Variants in SLC39A11 observed in about 807,000 individuals in gnomAD.
SLC39A11 encodes solute carrier family 39 member 11, also known as zinc transporter ZIP11.
SLC39A11 carries 33 observed loss-of-function variants against 36.1 expected under a neutral mutation model. The observed-to-expected ratio is 0.91, with a 90% CI of 0.69 to 1.22. The LOEUF (loss-of-function observed/expected upper bound fraction) is 1.22. SLC39A11 is among the 50% of genes most tolerant of loss of function. The pLI is 0.00. For synonymous variants in SLC39A11, 166 were observed against 170.3 expected (o/e 0.97, Z 0.20); for missense variants, 432 against 430.3 (o/e 1.00, Z -0.03).
intron 5 of SLC39A11, among the ~76,000 whole-genome samples, chr17:72,875,443 C>T (rs374660318): frequency 5.9e-5 from 9 of 152,238 alleles, no homozygotes; most frequent in South Asian, 4.2e-4. Flanking sequence ...AGGAAGCCAG[C>T]GGGATTCTGG....
intron 4 of SLC39A11, among the ~76,000 whole-genome samples, chr17:72,985,117 A>G (rs2088618886): frequency 1.3e-5 from 2 of 152,146 alleles, no homozygotes; most frequent in Non-Finnish European, 2.9e-5. Context: ...GAATGTGCAC[A>G]CTCCACGTGG....
intron 1 of SLC39A11, among the ~76,000 whole-genome samples, chr17:73,091,057 G>C (rs1338014692): frequency 6.6e-6 from 1 of 152,214 alleles, no homozygotes; most frequent in Non-Finnish European, 1.5e-5. Context: ...CAGACTTTCT[G>C]AATCAGGGTC....
intron 3 of SLC39A11, among the ~76,000 whole-genome samples, chr17:73,075,586 C>T (rs2060293255): frequency 6.6e-6 from 1 of 152,206 alleles, no homozygotes; most frequent in African/African-American, 2.4e-5. Flanking sequence ...GGCGCAGTGG[C>T]TCACGCCTAT....
At chr17:72,651,091 T>C (rs1257224515) in intron 7 of SLC39A11, among the ~76,000 whole-genome samples, 2 of 152,188 alleles carry the variant, frequency 1.3e-5, no homozygotes, top group East Asian at 3.9e-4. Flanking sequence ...ACCTCGAGTC[T>C]GCCAGTCAAG....
intron 7 of SLC39A11, among the ~76,000 whole-genome samples, chr17:72,672,791 A>G (rs1213171660): frequency 6.6e-6 from 1 of 152,028 alleles, no homozygotes. Context: ...GGTAGAGACA[A>G]GGTCTCACTA....
intron 4 of SLC39A11, among the ~76,000 whole-genome samples, chr17:73,015,129 A>G (rs2148535069): frequency 6.6e-6 from 1 of 152,314 alleles, no homozygotes; most frequent in East Asian, 1.9e-4. Flanking sequence ...CCTCACAGCC[A>G]CTGAAGTCTG....
intron 6 of SLC39A11, among the ~76,000 whole-genome samples, chr17:72,760,207 T>C (rs1264032805): frequency 6.6e-6 from 1 of 152,190 alleles, no homozygotes; most frequent in African/African-American, 2.4e-5. Flanking sequence ...TTGTATTTTT[T>C]ACTAGAGAAG....
intron 5 of SLC39A11, among the ~76,000 whole-genome samples, chr17:72,910,804 T>G (rs35799684): frequency 0.53 from 76,586 of 145,612 alleles, 19,527 homozygotes; most frequent in African/African-American, 0.55. Flanking sequence ...GCAGGCACCT[T>G]TAATCCCAGC....
At chr17:72,988,373 AT>A (rs765524750) in intron 4 of SLC39A11, among the ~76,000 whole-genome samples, 12 of 152,202 alleles carry the variant, frequency 7.9e-5, no homozygotes, top group Non-Finnish European at 1.5e-4. Context: ...AGGCATGAGA[AT>A]TGCTTGAACC....
At chr17:72,876,813 C>T (rs867870583) in intron 5 of SLC39A11, among the ~76,000 whole-genome samples, 3 of 152,208 alleles carry the variant, frequency 2.0e-5, no homozygotes, top group South Asian at 2.1e-4. Flanking sequence ...TCAGCTGCAA[C>T]ACCTGATTAA....
At chr17:72,960,529 C>T (rs1449313212) in intron 4 of SLC39A11, among the ~76,000 whole-genome samples, 4 of 152,124 alleles carry the variant, frequency 2.6e-5, no homozygotes, top group African/African-American at 7.2e-5. Context: ...TGGTGGTTCA[C>T]GCCTGTAATC....
intron 5 of SLC39A11, among the ~76,000 whole-genome samples, chr17:72,929,875 T>C (rs1428290994): frequency 6.6e-6 from 1 of 152,186 alleles, no homozygotes. Context: ...TGTATGGTAC[T>C]GAAGAGTTTC....
At chr17:73,022,993 C>T (rs935929122) in intron 4 of SLC39A11, among the ~76,000 whole-genome samples, 2 of 152,196 alleles carry the variant, frequency 1.3e-5, no homozygotes, top group Non-Finnish European at 2.9e-5. Context: ...CCTCCCCAAG[C>T]CCAGAATTAT....
chr17:72,919,551 A>G (rs1171171741), intron 5 of SLC39A11, among the ~76,000 whole-genome samples: 1 of 151,646 alleles, frequency 6.6e-6, no homozygotes, highest in African/African-American at 2.4e-5. Context: ...GGGCGCCTGT[A>G]GTCCCAGCTA....
intron 7 of SLC39A11, among the ~76,000 whole-genome samples, chr17:72,700,932 G>C (rs1239627432): frequency 6.6e-6 from 1 of 152,206 alleles, no homozygotes; most frequent in Non-Finnish European, 1.5e-5. Flanking sequence ...CACAACATAA[G>C]GGAATTAGGG....
chr17:72,672,603 T>G (rs2071070619), intron 7 of SLC39A11, among the ~76,000 whole-genome samples: 1 of 152,150 alleles, frequency 6.6e-6, no homozygotes, highest in South Asian at 2.1e-4. Flanking sequence ...TTGTCTGTTT[T>G]TTAATTTGTT....
At chr17:72,833,986 G>A (rs1168476737) in intron 6 of SLC39A11, among the ~76,000 whole-genome samples, 1 of 152,222 alleles carries the variant, frequency 6.6e-6, no homozygotes, top group Admixed American at 6.5e-5. Flanking sequence ...CACAATATAT[G>A]TAGGACATAC....
At chr17:72,777,172 T>C (rs1000143703) in intron 6 of SLC39A11, among the ~76,000 whole-genome samples, 1 of 152,264 alleles carries the variant, frequency 6.6e-6, no homozygotes. Flanking sequence ...CCTATCGAAC[T>C]ATGTGCATTT....
chr17:72,762,459 G>A (rs972618549), intron 6 of SLC39A11, among the ~76,000 whole-genome samples: 1 of 152,164 alleles, frequency 6.6e-6, no homozygotes, highest in Non-Finnish European at 1.5e-5. Flanking sequence ...CCTCAGTTCT[G>A]GGAATTGCCC....
Sources: allele counts gnomAD v4.1 joint callset (sites outside exome capture counted in the v4.1 genomes callset), GRCh38; gene constraint gnomAD v4.1.1; transcripts MANE v1.5; gene names NCBI Gene and HGNC (gene_info 2026-07-23, HGNC 2026-07-21).